ATG10: variants seen among roughly 807,000 people sequenced by gnomAD.
ATG10 encodes the protein ubiquitin-like-conjugating enzyme ATG10.
Under a neutral mutation model 32.1 loss-of-function variants are expected in ATG10, and 30 were observed. The observed-to-expected ratio is 0.94, with a 90% CI of 0.70 to 1.27. The LOEUF is 1.27. ATG10 is among the 50% of genes most tolerant of loss of function. The pLI is 0.00. For synonymous variants in ATG10, 87 were observed against 91.5 expected (o/e 0.95, Z 0.28); for missense variants, 233 against 262.3 (o/e 0.89, Z 0.77).
At chr5:82,222,643 A>G (rs1182164987) in intron 5 of ATG10, among the ~76,000 whole-genome samples, 1 of 152,252 alleles carries the variant, frequency 6.6e-6, no homozygotes. Flanking sequence ...TTTTGCCATC[A>G]AACAATCATC....
intron 3 of ATG10, among the ~76,000 whole-genome samples, chr5:82,082,204 G>T (rs1156692628): frequency 2.6e-5 from 4 of 152,122 alleles, no homozygotes; most frequent in Non-Finnish European, 4.4e-5. Flanking sequence ...TTTCTTGATA[G>T]ACTTTAGCTC....
At chr5:82,074,536 T>A (rs1764217765) in intron 3 of ATG10, among the ~76,000 whole-genome samples, 1 of 152,188 alleles carries the variant, frequency 6.6e-6, no homozygotes, top group African/African-American at 2.4e-5. Context: ...ATCTTTTCTT[T>A]GGTATTCTAC....
At chr5:82,137,739 T>C (rs1766823688) in intron 3 of ATG10, among the ~76,000 whole-genome samples, 1 of 152,132 alleles carries the variant, frequency 6.6e-6, no homozygotes, top group African/African-American at 2.4e-5. Flanking sequence ...AGAGCTCGAG[T>C]GCTGTGCTGG....
chr5:82,054,197 C>T (rs1421552308), intron 2 of ATG10, among the ~76,000 whole-genome samples: 1 of 152,170 alleles, frequency 6.6e-6, no homozygotes, highest in Non-Finnish European at 1.5e-5. Flanking sequence ...AGTTTGAAAA[C>T]TCCACAGGTG....
At position 82,256,064 on chromosome 5, in the gene ATG10, C is replaced by T. The variant is rs1747447377; in HGVS notation, c.*2001C>T. 1 of 152,160 alleles carries T rather than the reference C, an allele frequency of 6.6e-6. No homozygotes were observed. Among genetic ancestry groups the T allele is most frequent in the South Asian group, 2.1e-4 (1 of 4,820 alleles). The allele number at this position is 152,160 out of a possible 1,614,324, so 9.4% of individuals were successfully genotyped here. A position where few individuals can be genotyped will look rare whatever the true frequency, so the allele number is the denominator to read the frequency against. ...CCCCCCAATCTCCCTAATGTAAACACAGATTTCTCAGCAAGTCATTTCTCA... is the reference window on the plus strand; with the variant it reads ...CCCCCCAATCTCCCTAATGTAAACATAGATTTCTCAGCAAGTCATTTCTCA... On this transcript the variant is annotated 3_prime_UTR_variant, in exon 8 of 8. Coordinates refer to ENST00000282185, the MANE Select transcript of ATG10 (RefSeq NM_031482.5).
At chr5:82,177,511 G>T (rs755339251) in intron 4 of ATG10, among the ~76,000 whole-genome samples, 1 of 151,998 alleles carries the variant, frequency 6.6e-6, no homozygotes, top group African/African-American at 2.4e-5. Context: ...AAAAGAGCAC[G>T]CCCATAAGTC....
intron 5 of ATG10, among the ~76,000 whole-genome samples, chr5:82,235,252 T>C (rs1377349262): frequency 2.0e-5 from 3 of 152,186 alleles, no homozygotes; most frequent in South Asian, 2.1e-4. Flanking sequence ...CAATCTTTAG[T>C]GAGCATGAGC....
chr5:82,022,343 T>G (rs1209419056), intron 2 of ATG10, among the ~76,000 whole-genome samples: 4 of 151,100 alleles, frequency 2.6e-5, no homozygotes, highest in Non-Finnish European at 4.4e-5. Context: ...TTTTTTTTTT[T>G]TTTGAGACGG....
At chr5:81,976,100 A>G (rs1481735303) in intron 1 of ATG10, 1 of 149,598 alleles carries the variant, frequency 6.7e-6, no homozygotes, top group Non-Finnish European at 1.5e-5. Flanking sequence ...CCCCGAGTTC[A>G]CGCCATTCTC....
intron 5 of ATG10, among the ~76,000 whole-genome samples, chr5:82,214,808 C>T (rs1745616160): frequency 2.0e-5 from 3 of 152,130 alleles, no homozygotes; most frequent in Non-Finnish European, 4.4e-5. Context: ...TGCAAACTGG[C>T]AGCCAGGCAA....
chr5:82,173,641 A>G (rs1743888633), intron 4 of ATG10, among the ~76,000 whole-genome samples: 1 of 152,198 alleles, frequency 6.6e-6, no homozygotes, highest in Non-Finnish European at 1.5e-5. Context: ...TTCTTTTTCA[A>G]GTATTCAAGA....
chr5:82,097,683 GC>G (rs2149799289), intron 3 of ATG10, among the ~76,000 whole-genome samples: 1 of 152,264 alleles, frequency 6.6e-6, no homozygotes, highest in African/African-American at 2.4e-5. Context: ...AAAGATGCTA[GC>G]CATTAGGGTA....
chr5:82,122,097 G>A (rs1019584319), intron 3 of ATG10, among the ~76,000 whole-genome samples: 1 of 151,892 alleles, frequency 6.6e-6, no homozygotes, highest in African/African-American at 2.4e-5. Context: ...GGTAGAATTT[G>A]GCTGTGTGAA....
At chr5:82,040,074 A>C (rs1359445316) in intron 2 of ATG10, among the ~76,000 whole-genome samples, 1 of 152,144 alleles carries the variant, frequency 6.6e-6, no homozygotes, top group Non-Finnish European at 1.5e-5. Flanking sequence ...CAGGGCTCCA[A>C]ACACGAATCC....
chr5:82,175,819 T>C (rs10474050), intron 4 of ATG10, among the ~76,000 whole-genome samples: 2,267 of 152,224 alleles, frequency 0.015, 38 homozygotes, highest in African/African-American at 0.051. Context: ...ATAGTATGTA[T>C]CACCTCCTAA....
intron 1 of ATG10, among the ~76,000 whole-genome samples, chr5:81,983,672 G>C (rs529014036): frequency 6.6e-6 from 1 of 151,894 alleles, no homozygotes; most frequent in African/African-American, 2.4e-5. Flanking sequence ...CGGACGGGGT[G>C]GCTGCCGGGC....
intron 3 of ATG10, among the ~76,000 whole-genome samples, chr5:82,100,720 G>C (rs538679629): frequency 2.6e-5 from 4 of 151,366 alleles, no homozygotes; most frequent in African/African-American, 9.7e-5. Context: ...ATACAAGGCA[G>C]GGAAAGTCTG....
chr5:82,207,786 A>G (rs1446139296), intron 5 of ATG10, among the ~76,000 whole-genome samples: 1 of 152,178 alleles, frequency 6.6e-6, no homozygotes, highest in East Asian at 1.9e-4. Flanking sequence ...TGCACTGCCC[A>G]ATGCAGTGGT....
chr5:82,237,907 G>A (rs983491362), intron 5 of ATG10, among the ~76,000 whole-genome samples: 8 of 152,180 alleles, frequency 5.3e-5, no homozygotes, highest in African/African-American at 1.9e-4. Context: ...ACAGACTTAT[G>A]TTTCCAACCG....
Sources: gnomAD v4.1 joint callset for allele counts (sites outside exome capture counted in the v4.1 genomes callset) on GRCh38, gnomAD v4.1.1 for gene constraint, MANE v1.5 for transcripts, NCBI Gene and HGNC (gene_info 2026-07-23, HGNC 2026-07-21) for gene names.